The following SOX30 variants were observed in gnomAD, a reference collection of about 807,000 sequenced individuals.
SOX30 encodes the protein transcription factor SOX-30.
Under a neutral mutation model 58.6 loss-of-function variants are expected in SOX30, and 17 were observed. The observed-to-expected ratio is 0.29, with a 90% CI of 0.20 to 0.44. The LOEUF (loss-of-function observed/expected upper bound fraction) is 0.44, where lower values mean the gene tolerates loss of function less well. SOX30 is among the 20% of genes least tolerant of loss of function. SOX30 has a pLI of 1.00. For missense variants in SOX30, 951 were observed against 965.8 expected (o/e 0.98, Z 0.20); for synonymous variants, 421 against 400.2 (o/e 1.05, Z -0.62).
chr5:157,639,568 T>C (rs1581393836), intron 3 of SOX30, among the ~76,000 whole-genome samples: 1 of 152,192 alleles, frequency 6.6e-6, no homozygotes, highest in East Asian at 1.9e-4. Flanking sequence ...ATGGCAAAAT[T>C]TTTAAAGGTA....
chr5:157,651,944 C>G lies in SOX30; in HGVS notation c.135G>C (p.Ala45=), dbSNP rs1581402696. The G allele has an allele frequency of 6.7e-7, 1 of 1,492,122 alleles. No homozygotes were observed. Among genetic ancestry groups the G allele is most frequent in the Non-Finnish European group, 8.9e-7 (1 of 1,125,574 alleles). 92.4% of individuals were successfully genotyped at this position (1,492,122 alleles called of 1,614,324 possible). Residue 45 remains alanine, a synonymous_variant, in exon 1 of 5, where the codon GCG becomes GCC. Transcript: ENST00000265007. ...EPPPSSPTLS[A]AASATLASSC... is the part of the protein sequence containing the mutation. ...ACGAGGCCAAGGTCGCACTGGCTGC[C>G]GCGCTCAGTGTGGGAGACGACGGAG...
At chr5:157,634,605 T>G (rs1758882778) in intron 4 of SOX30, among the ~76,000 whole-genome samples, 1 of 152,134 alleles carries the variant, frequency 6.6e-6, no homozygotes, top group Admixed American at 6.6e-5. Context: ...TCCATTACAA[T>G]TCTAACATTG....
In SOX30 at chr5:157,651,677, A is replaced by C; in HGVS notation, c.402T>G (p.His134Gln). 6.2e-7 allele frequency: 1 copy of C among 1,607,178 alleles called. No individual in the cohort carries two copies. Residue 134 changes from histidine to glutamine, a missense_variant, in exon 1 of 5, where the codon CAT (histidine) becomes CAG (glutamine). Physicochemically the swap from His to Gln is conservative, Grantham distance 24. Coordinates refer to ENST00000265007, the MANE Select transcript of SOX30 (RefSeq NM_178424.2). The stretch of plus-strand genomic sequence containing the variant: ...CCAGCTTCTGCTTCTTGGCCTTGAC[A>C]TGCAGCGCCAGGGGCTGCACCGGGT... The part of the protein sequence containing the change: ...ELHPVQPLAL[H>Q]VKAKKQKLGP...
upstream of SOX30, among the ~76,000 whole-genome samples, chr5:157,657,261 T>C (rs1347087587): frequency 6.6e-6 from 1 of 152,332 alleles, no homozygotes; most frequent in East Asian, 1.9e-4. Flanking sequence ...TATGACTTGG[T>C]GTATATTGTG....
rs557644236 is a variant in SOX30, at chr5:157,639,911, C to T, written c.1388-1189G>A. Among the ~76,000 whole-genome samples, 4 of 152,272 alleles carry T rather than the reference C, an allele frequency of 2.6e-5. No individual in the cohort carries two copies. In the South Asian group the frequency reaches 6.2e-4, roughly 24 times the overall value. ...AAAGCAGATAATGCCCCTCTTAAAG[C>T]AGGAAGTAGGGAATTAAGGGACATA... On this transcript the variant is annotated intron_variant, in intron 3 of 4. Transcript: ENST00000265007.
At chr5:157,659,890 T>G (rs749566496) in intron 2 of SOX30, among the ~76,000 whole-genome samples, 2 of 151,964 alleles carry the variant, frequency 1.3e-5, no homozygotes, top group Non-Finnish European at 2.9e-5. Flanking sequence ...CAGAAGGGAG[T>G]GTCTGGGTTA....
At chr5:157,644,177 T>A (rs756782632) in intron 3 of SOX30, among the ~76,000 whole-genome samples, 3 of 152,230 alleles carry the variant, frequency 2.0e-5, no homozygotes, top group Non-Finnish European at 4.4e-5. Flanking sequence ...TGTTTGTTTT[T>A]AGAGACAGCG....
rs116803088 is a variant in SOX30 at position 157,669,154 on chromosome 5, C to A, written c.-3-1302G>T. The stretch of plus-strand genomic sequence containing the variant: ...TTAAATGCTCAGCTAGGATCTGCTG[C>A]AAGGCACAATGCCTGGGTGCTGGGA... On this transcript the variant is annotated intron_variant, in intron 1 of 5. Transcript: ENST00000519442. 2.4e-3 allele frequency among the ~76,000 whole-genome samples: 362 copies of A among 152,214 alleles called. 3 individuals are homozygous for A. Among genetic ancestry groups the A allele is most frequent in the African/African-American group, 8.4e-3 (350 of 41,526 alleles).
chr5:157,664,149 C>G (rs957408048), intron 2 of SOX30, among the ~76,000 whole-genome samples: 11 of 151,546 alleles, frequency 7.3e-5, no homozygotes, highest in African/African-American at 2.7e-4. Context: ...AATCCTAAGC[C>G]AAAAGAACAA....
At chr5:157,629,059 T>C in intron 4 of SOX30, among the ~76,000 whole-genome samples, 1 of 152,160 alleles carries the variant, frequency 6.6e-6, no homozygotes, top group East Asian at 1.9e-4. Context: ...AACATACAGT[T>C]AGATAGAAGA....
At chr5:157,635,635 A>G (rs895000544) in intron 4 of SOX30, among the ~76,000 whole-genome samples, 2 of 151,886 alleles carry the variant, frequency 1.3e-5, no homozygotes, top group Non-Finnish European at 2.9e-5. Flanking sequence ...AAAAAAAAAC[A>G]AAAACAAAAA....
chr5:157,645,618 T>C (rs76175680), intron 3 of SOX30, among the ~76,000 whole-genome samples: 7,247 of 150,642 alleles, frequency 0.048, 277 homozygotes, highest in South Asian at 0.099. Context: ...CCTGTGATGC[T>C]GCCACTGCAC....
At chr5:157,630,706 T>C (rs1334239396) in intron 4 of SOX30, among the ~76,000 whole-genome samples, 1 of 151,348 alleles carries the variant, frequency 6.6e-6, no homozygotes, top group Non-Finnish European at 1.5e-5. Flanking sequence ...TCTGCCTTAG[T>C]CTTTACTTCC....
exon 1 of SOX30, chr5:157,671,413 C>A: frequency 3.4e-6 from 2 of 580,944 alleles, no homozygotes; most frequent in Non-Finnish European, 6.2e-6. Context: ...ACAATATTAC[C>A]GCGTCCGTGG....
intron 2 of SOX30, among the ~76,000 whole-genome samples, chr5:157,660,114 T>TA (rs1759552076): frequency 6.6e-6 from 1 of 152,186 alleles, no homozygotes; most frequent in African/African-American, 2.4e-5. Flanking sequence ...TGAGCTAGTG[T>TA]TTTAGGTTTA....
At chr5:157,652,710 T>A (rs1759394671), upstream of SOX30, among the ~76,000 whole-genome samples, 1 of 152,270 alleles carries the variant, frequency 6.6e-6, no homozygotes, top group African/African-American at 2.4e-5. Context: ...CCAGGCCCTG[T>A]GGCCCTACTT....
chr5:157,647,600 G>C (rs982250686), intron 2 of SOX30, among the ~76,000 whole-genome samples: 26 of 151,948 alleles, frequency 1.7e-4, no homozygotes, highest in African/African-American at 6.0e-4. Flanking sequence ...TGCCGCCCAG[G>C]CTGGAGTGCA....
chr5:157,665,901 CTTTTT>C (rs67520310), intron 2 of SOX30, among the ~76,000 whole-genome samples: 3 of 130,230 alleles, frequency 2.3e-5, no homozygotes, highest in East Asian at 2.2e-4. Context: ...AGGATATTCC[CTTTTT>C]TTTTTTTTTT....
Position 157,648,922 on chromosome 5 carries a change from A to C in SOX30, c.968-26T>G, listed in dbSNP as rs146068998. On this transcript the variant is annotated intron_variant, in intron 1 of 4. Transcript: ENST00000265007. ...CTACATGACAAAAATTAAAAGGCTA[A>C]ATTAATGTGCCATACACACACACAC... 597 of 1,539,426 alleles carry C rather than the reference A, an allele frequency of 3.9e-4. 4 individuals carry two copies. In the African/African-American group the frequency reaches 0.011, roughly 28 times the overall value.
Sources: gnomAD v4.1 joint callset for allele counts (sites outside exome capture counted in the v4.1 genomes callset) on GRCh38, gnomAD v4.1.1 for gene constraint, MANE v1.5 for transcripts, NCBI Gene and HGNC (gene_info 2026-07-23, HGNC 2026-07-21) for gene names.